OXR1: variants seen among roughly 807,000 people sequenced by gnomAD.
OXR1 encodes oxidation resistance protein 1.
In OXR1, 41 loss-of-function variants were observed where a neutral mutation model predicts 104.6. The ratio of observed to expected loss-of-function variants is 0.39; its 90% CI spans 0.31 to 0.51. The LOEUF is 0.51. OXR1 is among the 20% of genes least tolerant of loss of function. The probability of loss-of-function intolerance (pLI) is 0.77; values close to 1 mark genes in which losing one functional copy is unlikely to be tolerated. For synonymous variants in OXR1, 348 were observed against 348.4 expected (o/e 1.00, Z 0.01); for missense variants, 955 against 1,031.9 (o/e 0.93, Z 1.02).
rs375187409 is a variant in OXR1 at position 106,550,661 on chromosome 8, T to C, written c.220+31522T>C. 3.9e-5 allele frequency among the ~76,000 whole-genome samples: 6 copies of C among 152,248 alleles called. No individual in the cohort carries two copies. The East Asian group carries it at 5.8e-4, about 15-fold the overall frequency. On this transcript the variant is annotated intron_variant, in intron 3 of 16. Coordinates refer to ENST00000517566, the MANE Select transcript of OXR1 (RefSeq NM_001198533.2). ...GGTTTTATAAGGCAGTTTTCCCTGC[T>C]CTTGATCATTCTCTCTCACCTGTTG...
chr8:106,391,926 A>G (rs375223039), intron 2 of OXR1, among the ~76,000 whole-genome samples: 1 of 152,282 alleles, frequency 6.6e-6, no homozygotes, highest in East Asian at 1.9e-4. Context: ...ACTGCCCCAG[A>G]GAATTAGGGA....
chr8:106,750,324 C>CTTTTTTTT (rs35858491), intron 16 of OXR1, among the ~76,000 whole-genome samples: 1 of 138,202 alleles, frequency 7.2e-6, no homozygotes, highest in Non-Finnish European at 1.5e-5. Flanking sequence ...CTTTTCTTTT[C>CTTTTTTTT]TTTTTTTTTT....
At chr8:106,310,581 A>C (rs1813659907) in intron 1 of OXR1, among the ~76,000 whole-genome samples, 3 of 152,164 alleles carry the variant, frequency 2.0e-5, no homozygotes, top group Non-Finnish European at 4.4e-5. Flanking sequence ...TATAACTTCT[A>C]GAGAAGGCTT....
At chr8:106,669,389 G>A (rs1317308310) in intron 3 of OXR1, among the ~76,000 whole-genome samples, 3 of 152,086 alleles carry the variant, frequency 2.0e-5, no homozygotes, top group Non-Finnish European at 4.4e-5. Flanking sequence ...AGATGGAGTA[G>A]TATCTAGAAA....
intron 4 of OXR1, among the ~76,000 whole-genome samples, chr8:106,682,265 CTTTTTTTTTTTTT>C (rs760684524): frequency 8.5e-6 from 1 of 117,862 alleles, no homozygotes; most frequent in African/African-American, 3.1e-5. Flanking sequence ...AGAGCTCTCT[CTTTTTTTTTTTTT>C]TTTTTTTTGA....
At chr8:106,548,948 T>C (rs1243995262) in intron 3 of OXR1, among the ~76,000 whole-genome samples, 2 of 152,212 alleles carry the variant, frequency 1.3e-5, no homozygotes, top group Non-Finnish European at 2.9e-5. Flanking sequence ...AATCTTTCCC[T>C]TTCACTGAAA....
intron 3 of OXR1, among the ~76,000 whole-genome samples, chr8:106,648,291 T>G (rs1013280538): frequency 6.6e-6 from 1 of 152,242 alleles, no homozygotes; most frequent in East Asian, 1.9e-4. Context: ...AGATTGAACA[T>G]TAAACAGAAC....
At chr8:106,509,056 C>G (rs577524970) in intron 2 of OXR1, among the ~76,000 whole-genome samples, 1 of 152,268 alleles carries the variant, frequency 6.6e-6, no homozygotes, top group Non-Finnish European at 1.5e-5. Flanking sequence ...TTAAAATAGT[C>G]ATATTTATTC....
intron 1 of OXR1, among the ~76,000 whole-genome samples, chr8:106,326,136 G>A (rs1814458430): frequency 6.6e-6 from 1 of 152,190 alleles, no homozygotes; most frequent in Non-Finnish European, 1.5e-5. Context: ...TGGTGGGAAT[G>A]TACCATCTTT....
At chr8:106,614,137 A>G (rs1482832769) in intron 3 of OXR1, among the ~76,000 whole-genome samples, 1 of 152,218 alleles carries the variant, frequency 6.6e-6, no homozygotes, top group East Asian at 1.9e-4. Flanking sequence ...TAATTAGGAA[A>G]ACTACATGAT....
chr8:106,689,269 C>T (rs901440394), intron 6 of OXR1, among the ~76,000 whole-genome samples: 1 of 152,070 alleles, frequency 6.6e-6, no homozygotes, highest in African/African-American at 2.4e-5. Context: ...TATATCACCA[C>T]TTTCTGCCTT....
chr8:106,350,462 A>T (rs1040854150), intron 1 of OXR1, among the ~76,000 whole-genome samples: 2 of 152,220 alleles, frequency 1.3e-5, no homozygotes, highest in African/African-American at 4.8e-5. Context: ...CTAATCACAA[A>T]TATAGACATG....
chr8:106,502,648 A>G (rs1274749585), intron 2 of OXR1, among the ~76,000 whole-genome samples: 1 of 152,190 alleles, frequency 6.6e-6, no homozygotes, highest in African/African-American at 2.4e-5. Context: ...TTCGTTTTAT[A>G]TAATAACATG....
chr8:106,357,643 G>T (rs1014831581), intron 1 of OXR1, among the ~76,000 whole-genome samples: 6 of 151,848 alleles, frequency 4.0e-5, no homozygotes, highest in Non-Finnish European at 5.9e-5. Flanking sequence ...TTTTTTATAG[G>T]TAAATATTAT....
At chr8:106,665,297 A>T (rs1170862978) in intron 3 of OXR1, among the ~76,000 whole-genome samples, 1 of 152,180 alleles carries the variant, frequency 6.6e-6, no homozygotes, top group Non-Finnish European at 1.5e-5. Context: ...GTGGGAGGGA[A>T]CTGGAGTACC....
At chr8:106,584,665 A>T (rs1376110168) in intron 3 of OXR1, among the ~76,000 whole-genome samples, 20 of 152,142 alleles carry the variant, frequency 1.3e-4, no homozygotes, top group Admixed American at 1.3e-3. Context: ...ATCAACTATG[A>T]GTAGAATAAA....
chr8:106,384,615 G>A (rs1817292610), intron 2 of OXR1, among the ~76,000 whole-genome samples: 1 of 152,022 alleles, frequency 6.6e-6, no homozygotes, highest in Non-Finnish European at 1.5e-5. Context: ...TCTTTGGTGT[G>A]CTCCTTTTAT....
At chr8:106,565,113 A>G (rs1349781351) in intron 3 of OXR1, among the ~76,000 whole-genome samples, 1 of 152,178 alleles carries the variant, frequency 6.6e-6, no homozygotes, top group Non-Finnish European at 1.5e-5. Context: ...ACAACATAGT[A>G]TTGGAAATTC....
intron 1 of OXR1, among the ~76,000 whole-genome samples, chr8:106,359,269 T>C (rs1816138579): frequency 6.6e-6 from 1 of 152,112 alleles, no homozygotes; most frequent in South Asian, 2.1e-4. Context: ...ACTGTTCAGA[T>C]GGTTTTAAAA....
Sources: gnomAD v4.1 joint callset for allele counts (sites outside exome capture counted in the v4.1 genomes callset) on GRCh38, gnomAD v4.1.1 for gene constraint, MANE v1.5 for transcripts, NCBI Gene and HGNC (gene_info 2026-07-23, HGNC 2026-07-21) for gene names.